CCL7: variants seen among roughly 807,000 people sequenced by gnomAD.
CCL7 encodes the protein C-C motif chemokine 7.
A neutral mutation model predicts 7.1 loss-of-function variants in CCL7; 8 were observed. That is an observed-to-expected ratio of 1.13 (90% CI 0.66 to 2.04). CCL7 has a LOEUF of 2.04. Among genes scored for constraint, CCL7 ranks in the 30% most tolerant of loss-of-function variants. CCL7 has a pLI of 0.00. For missense variants in CCL7, 134 were observed against 113.6 expected (o/e 1.18, Z -0.82); for synonymous variants, 46 against 41.2 (o/e 1.12, Z -0.45).
At chr17:34,270,483 AGGT>A in intron 1 of CCL7, 117 bp downstream of exon 1, 1 of 804,114 alleles carries the variant, frequency 1.2e-6, no homozygotes, top group South Asian at 1.7e-5. Context: ...TTCCAAGATA[AGGT>A]AACTTAGAAA....
In CCL7 at chr17:34,271,271, G is replaced by T; in HGVS notation, c.194+8G>T. On this transcript the variant is annotated splice_region_variant and intron_variant, in intron 2 of 2. Coordinates refer to ENST00000378569, the MANE Select transcript of CCL7 (RefSeq NM_006273.4). Reference sequence around the variant, plus strand: ...TCCCCGGGAAGCTGTAATGTATGTGGACGATGACCACCCACCCCTCACACC... The same window carrying T: ...TCCCCGGGAAGCTGTAATGTATGTGTACGATGACCACCCACCCCTCACACC... The T allele has an allele frequency of 6.2e-7, 1 of 1,610,322 alleles. No homozygotes were observed. The highest frequency in any genetic ancestry group is 8.5e-7 in the Non-Finnish European group (1 of 1,176,948).
At position 34,272,056 on chromosome 17, in the gene CCL7, C is replaced by T; in HGVS notation, c.*254C>T. On this transcript the variant is annotated 3_prime_UTR_variant, in exon 3 of 3. Transcript: ENST00000378569. The stretch of plus-strand genomic sequence containing the variant: ...ATATGTCATCTCAGTGCTGTAAAAA[C>T]TGTGGGATGCTCCTCCCTTCTCTAC... The T allele has an allele frequency of 2.7e-6, 1 of 365,360 alleles. No individual in the cohort carries two copies. Among genetic ancestry groups the T allele is most frequent in the East Asian group, 6.6e-5 (1 of 15,150 alleles). The allele number at this position is 365,360 out of a possible 1,614,324, so 22.6% of individuals were successfully genotyped here. A position where few individuals can be genotyped will look rare whatever the true frequency, so the allele number is the denominator to read the frequency against.
At chr17:34,271,666 T>G (rs200100867) in intron 2 of CCL7, 31 bp from the exon 3 acceptor site, 1 of 1,433,198 alleles carries the variant, frequency 7.0e-7, no homozygotes, top group Non-Finnish European at 9.8e-7. Context: ...CTCAAGGTGT[T>G]CCATCTGACT....
chr17:34,270,663 T>C (rs1908097548), intron 1 of CCL7, among the ~76,000 whole-genome samples: 1 of 152,140 alleles, frequency 6.6e-6, no homozygotes, highest in Non-Finnish European at 1.5e-5. Flanking sequence ...ATCAGGGTGA[T>C]CAAAGACAGG....
At chr17:34,270,986 A>T (rs999679935) in intron 1 of CCL7, 160 bp from the exon 2 acceptor site, 1 of 1,446,258 alleles carries the variant, frequency 6.9e-7, no homozygotes, top group African/African-American at 1.4e-5. Context: ...GAGTTTATGA[A>T]ATGCCTCAAA....
At position 34,271,908 on chromosome 17, in the gene CCL7, G is replaced by T; in HGVS notation, c.*106G>T. The T allele has an allele frequency of 1.5e-6, 1 of 681,902 alleles. No homozygotes were observed. The highest frequency in any genetic ancestry group is 1.8e-5 in the South Asian group (1 of 55,818). 42.2% of individuals were successfully genotyped at this position (681,902 alleles called of 1,614,324 possible). On this transcript the variant is annotated 3_prime_UTR_variant, in exon 3 of 3. Coordinates refer to ENST00000378569, the MANE Select transcript of CCL7 (RefSeq NM_006273.4). ...TGAGATTATTTTAATCTAATTCTAA[G>T]GAATATGAGCTTTATGTAATAATGT...
chr17:34,271,994 G>T lies in CCL7; in HGVS notation c.*192G>T. 2.1e-6 allele frequency: 1 copy of T among 487,594 alleles called. No homozygotes were observed. The highest frequency in any genetic ancestry group is 3.6e-6 in the Non-Finnish European group (1 of 279,866). The allele number at this position is 487,594 out of a possible 1,614,324, so 30.2% of individuals were successfully genotyped here. A position where few individuals can be genotyped will look rare whatever the true frequency, so the allele number is the denominator to read the frequency against. ...TTAATATTTTAATTTAATCTTCCAT[G>T]GATTTTGGTGGGTTTTGAACATAAA... On this transcript the variant is annotated 3_prime_UTR_variant, in exon 3 of 3. Coordinates refer to ENST00000378569, the MANE Select transcript of CCL7 (RefSeq NM_006273.4).
In CCL7 at chr17:34,271,917, G is replaced by A; in HGVS notation, c.*115G>A. ...TTTAATCTAATTCTAAGGAATATGA[G>A]CTTTATGTAATAATGTGAATCATGG... On this transcript the variant is annotated 3_prime_UTR_variant, in exon 3 of 3. Transcript: ENST00000378569. 1.5e-6 allele frequency: 1 copy of A among 653,214 alleles called. No homozygotes were observed. Among genetic ancestry groups the A allele is most frequent in the Admixed American group, 3.3e-5 (1 of 29,886 alleles). The allele number at this position is 653,214 out of a possible 1,614,324, so 40.5% of individuals were successfully genotyped here.
chr17:34,271,711 T>G lies in CCL7; in HGVS notation c.209T>G (p.Leu70Arg), dbSNP rs1295448436. The G allele has an allele frequency of 1.1e-5, 18 of 1,609,250 alleles. No homozygotes were observed. Among genetic ancestry groups the G allele is most frequent in the Non-Finnish European group, 1.4e-5 (17 of 1,178,710 alleles). The change falls in exon 3 of 3, where the codon CTG becomes CGG. Residue 70 changes from leucine (L) to arginine (R), a missense_variant. By Grantham distance (102) the Leu-to-Arg change is moderately radical. Coordinates refer to ENST00000378569, the MANE Select transcript of CCL7 (RefSeq NM_006273.4). ...CTGCTCCACAGCTTCAAGACCAAAC[T>G]GGACAAGGAGATCTGTGCTGACCCC... The part of the protein sequence containing the change: ...PREAVIFKTK[L>R]DKEICADPTQ...
intron 2 of CCL7, 24 bp downstream of exon 2, chr17:34,271,287 C>A: frequency 2.5e-6 from 4 of 1,586,924 alleles, no homozygotes; most frequent in Middle Eastern, 1.7e-4. Flanking sequence ...GACCACCCAC[C>A]CCTCACACCT....
chr17:34,271,409 A>G lies in CCL7; in HGVS notation c.194+146A>G. 3 of 720,866 alleles carry G rather than the reference A, an allele frequency of 4.2e-6. No individual in the cohort carries two copies. In the South Asian group the frequency reaches 5.9e-5, roughly 14 times the overall value. The allele number at this position is 720,866 out of a possible 1,614,324, so 44.7% of individuals were successfully genotyped here. A position where few individuals can be genotyped will look rare whatever the true frequency, so the allele number is the denominator to read the frequency against. On this transcript the variant is annotated intron_variant, in intron 2 of 2. Coordinates refer to ENST00000378569, the MANE Select transcript of CCL7 (RefSeq NM_006273.4). ...ACCTTATCCCAGACATTTGCCAGTGAGAAACAATACAAGTAAAGAAAGTGG... is the reference window on the plus strand; with the variant it reads ...ACCTTATCCCAGACATTTGCCAGTGGGAAACAATACAAGTAAAGAAAGTGG...
Position 34,272,058 on chromosome 17 carries a change from G to A in CCL7, c.*256G>A. 2.8e-6 allele frequency: 1 copy of A among 363,172 alleles called. No individual in the cohort carries two copies. Among genetic ancestry groups the A allele is most frequent in the Non-Finnish European group, 5.0e-6 (1 of 201,572 alleles). 22.5% of individuals were successfully genotyped at this position (363,172 alleles called of 1,614,324 possible). ...ATGTCATCTCAGTGCTGTAAAAACT[G>A]TGGGATGCTCCTCCCTTCTCTACCT... is the stretch of plus-strand genomic sequence containing the variant. On this transcript the variant is annotated 3_prime_UTR_variant, in exon 3 of 3. Transcript: ENST00000378569.
rs1370863260 is a variant in CCL7 at position 34,271,685 on chromosome 17, T to G, written c.195-12T>G. ...AGGTGTTCCATCTGACTGTCTCCTT[T>G]CTGCTCCACAGCTTCAAGACCAAAC... On this transcript the variant is annotated splice_polypyrimidine_tract_variant and intron_variant, in intron 2 of 2. Coordinates refer to ENST00000378569, the MANE Select transcript of CCL7 (RefSeq NM_006273.4). The G allele has an allele frequency of 6.3e-7, 1 of 1,583,604 alleles. No individual in the cohort carries two copies. The highest frequency in any genetic ancestry group is 8.6e-7 in the Non-Finnish European group (1 of 1,157,816).
In CCL7 at chr17:34,271,682, C is replaced by T; in HGVS notation, c.195-15C>T. ...TCAAGGTGTTCCATCTGACTGTCTC[C>T]TTTCTGCTCCACAGCTTCAAGACCA... On this transcript the variant is annotated splice_polypyrimidine_tract_variant and intron_variant, in intron 2 of 2. Coordinates refer to ENST00000378569, the MANE Select transcript of CCL7 (RefSeq NM_006273.4). The T allele has an allele frequency of 1.3e-6, 2 of 1,577,506 alleles. No homozygotes were observed. The highest frequency in any genetic ancestry group is 1.7e-6 in the Non-Finnish European group (2 of 1,152,432).
At position 34,270,351 on chromosome 17, in the gene CCL7, G is replaced by A; in HGVS notation, c.61G>A (p.Gly21Arg). The change falls in exon 1 of 3, where the codon GGG becomes AGG. Residue 21 changes from glycine (G) to arginine (R), a missense_variant. Gly to Arg is a moderately radical substitution (Grantham distance 125). Transcript: ENST00000378569. Reference protein sequence around the residue: ...LLTAAAFSPQGLAQPVGINTS... With the variant: ...LLTAAAFSPQRLAQPVGINTS... ...CACAGCAGCTGCTTTCAGCCCCCAGGGGCTTGCTCAGCCAGGTAAGGTCCC... is the reference window on the plus strand; with the variant it reads ...CACAGCAGCTGCTTTCAGCCCCCAGAGGCTTGCTCAGCCAGGTAAGGTCCC... The A allele has an allele frequency of 6.2e-7, 1 of 1,614,136 alleles. No homozygotes were observed. The highest frequency in any genetic ancestry group is 8.5e-7 in the Non-Finnish European group (1 of 1,180,022).
In CCL7 at chr17:34,271,878, G is replaced by A. The variant is rs1450585759; in HGVS notation, c.*76G>A. Reference sequence around the variant, plus strand: ...TGTATACCCTGTCCTTTCTCAGAGTGGTTCTGAGATTATTTTAATCTAATT... The same window carrying A: ...TGTATACCCTGTCCTTTCTCAGAGTAGTTCTGAGATTATTTTAATCTAATT... On this transcript the variant is annotated 3_prime_UTR_variant, in exon 3 of 3. Transcript: ENST00000378569. The A allele has an allele frequency of 9.7e-6, 8 of 824,800 alleles. No homozygotes were observed. In the East Asian group the frequency reaches 2.1e-4, roughly 22 times the overall value. 51.1% of individuals were successfully genotyped at this position (824,800 alleles called of 1,614,324 possible).
In CCL7 at chr17:34,271,879, G is replaced by A; in HGVS notation, c.*77G>A. On this transcript the variant is annotated 3_prime_UTR_variant, in exon 3 of 3. Transcript: ENST00000378569. Reference sequence around the variant, plus strand: ...GTATACCCTGTCCTTTCTCAGAGTGGTTCTGAGATTATTTTAATCTAATTC... The same window carrying A: ...GTATACCCTGTCCTTTCTCAGAGTGATTCTGAGATTATTTTAATCTAATTC... The A allele has an allele frequency of 3.7e-6, 3 of 819,066 alleles. No homozygotes were observed. Among genetic ancestry groups the A allele is most frequent in the Non-Finnish European group, 6.0e-6 (3 of 501,268 alleles). The allele number at this position is 819,066 out of a possible 1,614,324, so 50.7% of individuals were successfully genotyped here.
At chr17:34,271,554 C>T (rs1045669274) in intron 2 of CCL7, 143 bp from the exon 3 acceptor site, 12 of 605,342 alleles carry the variant, frequency 2.0e-5, no homozygotes, top group South Asian at 1.4e-4. Flanking sequence ...AGTCCCCTTC[C>T]TTTGTTTTAT....
chr17:34,270,365 A>G lies in CCL7; in HGVS notation c.75A>G (p.Pro25=). 3 of 1,613,990 alleles carry G rather than the reference A, an allele frequency of 1.9e-6. No homozygotes were observed. The highest frequency in any genetic ancestry group is 2.5e-6 in the Non-Finnish European group (3 of 1,179,848). Residue 25 remains proline (P), a splice_region_variant and synonymous_variant, in exon 1 of 3, where the codon CCA becomes CCG. Transcript: ENST00000378569. Reference sequence around the variant, plus strand: ...TCAGCCCCCAGGGGCTTGCTCAGCCAGGTAAGGTCCCTCTCTCCTTCTCCT... The same window carrying G: ...TCAGCCCCCAGGGGCTTGCTCAGCCGGGTAAGGTCCCTCTCTCCTTCTCCT... ...AAFSPQGLAQ[P]VGINTSTTCC...
Sources: gnomAD v4.1 joint callset for allele counts (sites outside exome capture counted in the v4.1 genomes callset) on GRCh38, gnomAD v4.1.1 for gene constraint, MANE v1.5 for transcripts, NCBI Gene and HGNC (gene_info 2026-07-23, HGNC 2026-07-21) for gene names.